NIBAN2: variants seen among roughly 807,000 people sequenced by gnomAD.
The protein encoded by NIBAN2 is niban apoptosis regulator 2, also known as protein Niban 2.
NIBAN2 carries 36 observed loss-of-function variants against 81.8 expected under a neutral mutation model. The observed-to-expected ratio is 0.44, with a 90% confidence interval of 0.34 to 0.58. The LOEUF is 0.58. NIBAN2 is among the 20% of genes least tolerant of loss of function. The pLI, the probability that NIBAN2 is intolerant of heterozygous loss-of-function variation, is 0.02. For missense variants in NIBAN2, 897 were observed against 1,014.1 expected, an observed-to-expected ratio of 0.88 and a Z score of 1.57; for synonymous variants, 445 against 441.6, an observed-to-expected ratio of 1.01 and a Z score of -0.10.
chr9:127,565,029 T>A (rs1016632883), intron 1 of NIBAN2, among the ~76,000 whole-genome samples: 4 of 152,182 alleles, frequency 2.6e-5, no homozygotes, highest in Non-Finnish European at 4.4e-5. Context: ...TTTACCCTCC[T>A]AAATTGTTTG....
chr9:127,539,083 T>C (rs537898695), intron 1 of NIBAN2, among the ~76,000 whole-genome samples: 1 of 152,118 alleles, frequency 6.6e-6, no homozygotes, highest in African/African-American at 2.4e-5. Flanking sequence ...AGCTGACTGA[T>C]CTTTTGGGAA....
At chr9:127,552,808 C>T (rs998730460) in intron 1 of NIBAN2, among the ~76,000 whole-genome samples, 2 of 149,938 alleles carry the variant, frequency 1.3e-5, no homozygotes, top group South Asian at 4.3e-4. Context: ...CCTGCATCAG[C>T]CTCCCAAGTA....
rs1364036926 is a variant in NIBAN2 at position 127,507,566 on chromosome 9, C to T, written c.1655-135G>A. 5 of 819,386 alleles carry T rather than the reference C, an allele frequency of 6.1e-6. No individual in the cohort carries two copies. The highest frequency in any genetic ancestry group is 5.2e-5 in the African/African-American group (3 of 57,730). 50.8% of individuals were successfully genotyped at this position (819,386 alleles called of 1,614,324 possible). On this transcript the variant is annotated intron_variant, in intron 13 of 13. Coordinates refer to ENST00000373312, the MANE Select transcript of NIBAN2 (RefSeq NM_022833.4). This position sits in a 1 kb window ranked among gnomAD's most constrained non-coding sequence, Gnocchi z 6.8. ...TTGGGATGTGACTCATTCCAGGCCT[C>T]GTTGCTGAAAGCAGCAAGGCCGTGA...
In NIBAN2 at chr9:127,563,293, C is replaced by T. The variant is rs1324676269; in HGVS notation, c.55+5527G>A. 6.6e-6 allele frequency among the ~76,000 whole-genome samples: 1 copy of T among 152,200 alleles called. No homozygotes were observed. Among genetic ancestry groups the T allele is most frequent in the African/African-American group, 2.4e-5 (1 of 41,452 alleles). On this transcript the variant is annotated intron_variant, in intron 1 of 13. Transcript: ENST00000373312. The surrounding 1 kb of genome is among the most constrained non-coding windows in gnomAD (Gnocchi z 4.1). ...CCAACAAAAGCATGTTATATAAGAC[C>T]CAACAGAGAGACAGCATCATCCCCA...
At position 127,527,380 on chromosome 9, in the gene NIBAN2, T is replaced by C. The variant is rs1837094899; in HGVS notation, c.187-58A>G. ...AGGTCTGGGGGGGTGGTGCTCCCCA[T>C]GAAGCTGATGGCCCAGCCAGCAGAG... On this transcript the variant is annotated intron_variant, in intron 2 of 13. Coordinates refer to ENST00000373312, the MANE Select transcript of NIBAN2 (RefSeq NM_022833.4). 14 of 1,508,034 alleles carry C rather than the reference T, an allele frequency of 9.3e-6. No homozygotes were observed. In the Admixed American group the frequency reaches 2.2e-4, roughly 24 times the overall value. 93.4% of individuals were successfully genotyped at this position (1,508,034 alleles called of 1,614,324 possible). A position where few individuals can be genotyped will look rare whatever the true frequency, so the allele number is the denominator to read the frequency against.
intron 5 of NIBAN2, among the ~76,000 whole-genome samples, chr9:127,523,478 C>T (rs116330515): frequency 6.6e-6 from 1 of 151,516 alleles, no homozygotes; most frequent in Non-Finnish European, 1.5e-5. Flanking sequence ...CTACTTTTTT[C>T]CTGAGCAGCA....
intron 1 of NIBAN2, among the ~76,000 whole-genome samples, chr9:127,558,674 C>T (rs1240388261): frequency 6.6e-6 from 1 of 152,186 alleles, no homozygotes; most frequent in Non-Finnish European, 1.5e-5. Flanking sequence ...TCAAACTCAG[C>T]TCTCTTTTCT....
At chr9:127,514,125 C>T (rs113813788) in intron 8 of NIBAN2, among the ~76,000 whole-genome samples, 2 of 151,958 alleles carry the variant, frequency 1.3e-5, no homozygotes, top group Admixed American at 6.6e-5. Flanking sequence ...AAAAATTAGC[C>T]GGGCGTGGTG....
intron 1 of NIBAN2, among the ~76,000 whole-genome samples, chr9:127,548,449 C>T (rs1837514279): frequency 6.6e-6 from 1 of 152,162 alleles, no homozygotes; most frequent in South Asian, 2.1e-4. Flanking sequence ...GCTCTGCCGC[C>T]AACTCACGTG....
intron 1 of NIBAN2, 150 bp downstream of exon 1, chr9:127,568,670 G>T (rs1483274452): frequency 3.2e-6 from 2 of 632,668 alleles, no homozygotes; most frequent in African/African-American, 1.9e-5. Flanking sequence ...GAACGAGCTC[G>T]GACGCGGGGC....
upstream of NIBAN2, among the ~76,000 whole-genome samples, chr9:127,571,491 T>C (rs116851532): frequency 4.6e-5 from 7 of 151,012 alleles, no homozygotes; most frequent in Non-Finnish European, 8.9e-5. Flanking sequence ...AGATCAGGAG[T>C]CTGAGACCAG....
chr9:127,539,097 T>C (rs1024292227), intron 1 of NIBAN2, among the ~76,000 whole-genome samples: 2 of 151,886 alleles, frequency 1.3e-5, no homozygotes, highest in East Asian at 1.9e-4. Context: ...TTGGGAATGA[T>C]AGATATGTGG....
At chr9:127,514,966 C>CCAGCCTGGGCAACA (rs1373796338) in intron 8 of NIBAN2, among the ~76,000 whole-genome samples, 1 of 152,106 alleles carries the variant, frequency 6.6e-6, no homozygotes, top group Non-Finnish European at 1.5e-5. Flanking sequence ...GAGTTCGAGA[C>CCAGCCTGGGCAACA]CAGCCTGGGC....
intron 1 of NIBAN2, chr9:127,578,911 A>G (rs770829154): frequency 8.7e-6 from 14 of 1,610,740 alleles, no homozygotes; most frequent in Non-Finnish European, 1.1e-5. Context: ...GGACTTGTGC[A>G]CAAGTCTTAC....
intron 2 of NIBAN2, among the ~76,000 whole-genome samples, chr9:127,529,426 G>A (rs1235799659): frequency 6.6e-6 from 1 of 152,216 alleles, no homozygotes. Flanking sequence ...ATCACCTAAG[G>A]TCAGGAGTTC....
Position 127,507,560 on chromosome 9 carries a change from A to G in NIBAN2, c.1655-129T>C. 1 of 849,262 alleles carries G rather than the reference A, an allele frequency of 1.2e-6. No individual in the cohort carries two copies. Among genetic ancestry groups the G allele is most frequent in the Non-Finnish European group, 1.8e-6 (1 of 559,102 alleles). The allele number at this position is 849,262 out of a possible 1,614,324, so 52.6% of individuals were successfully genotyped here. On this transcript the variant is annotated intron_variant, in intron 13 of 13. Transcript: ENST00000373312. This position sits in a 1 kb window ranked among gnomAD's most constrained non-coding sequence, Gnocchi z 6.8. ...CTGTGGTTGGGATGTGACTCATTCC[A>G]GGCCTCGTTGCTGAAAGCAGCAAGG...
At chr9:127,530,016 G>A (rs1482345859) in intron 2 of NIBAN2, among the ~76,000 whole-genome samples, 1 of 152,204 alleles carries the variant, frequency 6.6e-6, no homozygotes, top group African/African-American at 2.4e-5. Context: ...CCCTCAGCCA[G>A]TGCCCACTTG....
At chr9:127,510,119 C>T (rs375863565) in intron 9 of NIBAN2, 27 bp downstream of exon 9, 2 of 1,585,402 alleles carry the variant, frequency 1.3e-6, no homozygotes, top group Non-Finnish European at 1.7e-6. Context: ...TCAGGAGACC[C>T]CCTCCTAGGG....
At chr9:127,561,883 C>T (rs554871809) in intron 1 of NIBAN2, among the ~76,000 whole-genome samples, 2 of 152,396 alleles carry the variant, frequency 1.3e-5, no homozygotes, top group East Asian at 3.9e-4. Flanking sequence ...GGACTCCTTC[C>T]TTAAACCTCT....
Sources: gnomAD v4.1 joint callset for allele counts (sites outside exome capture counted in the v4.1 genomes callset) on GRCh38, gnomAD v4.1.1 for gene constraint, Gnocchi (gnomAD v3.1) non-coding constraint, MANE v1.5 for transcripts, NCBI Gene and HGNC (gene_info 2026-07-23, HGNC 2026-07-21) for gene names.